The following BTAF1 variants were observed in gnomAD, a reference collection of about 807,000 sequenced individuals.
BTAF1 encodes TATA-binding protein-associated factor 172.
Under a neutral mutation model 227.1 loss-of-function variants are expected in BTAF1, and 38 were observed. The observed-to-expected ratio is 0.17, with a 90% confidence interval of 0.13 to 0.22. The LOEUF is 0.22. Ranked by LOEUF, BTAF1 falls within the 10% of genes least tolerant of loss-of-function variation. The pLI, the probability that BTAF1 is intolerant of heterozygous loss-of-function variation, is 1.00. For missense variants in BTAF1, 1,598 were observed against 2,204.0 expected, an observed-to-expected ratio of 0.73 and a Z score of 5.51; for synonymous variants, 742 against 751.9, an observed-to-expected ratio of 0.99 and a Z score of 0.21.
intron 20 of BTAF1, among the ~76,000 whole-genome samples, chr10:91,991,271 A>ATATATACATATATATATATATATATATAT (rs1564699914): frequency 1.5e-5 from 1 of 66,230 alleles, no homozygotes; most frequent in Non-Finnish European, 3.7e-5. Flanking sequence ...TATAAATATA[A>ATATATACATATATATATATATATATATAT]ATATATATAT....
chr10:91,938,987 AAAG>A lies in BTAF1; in HGVS notation c.139-964_139-962del, dbSNP rs755376199. On this transcript the variant is annotated intron_variant, in intron 2 of 37. Coordinates refer to ENST00000265990, the MANE Select transcript of BTAF1 (RefSeq NM_003972.3). ...TTTTCCATTTCTGCAAAAAAAAAAA[AAAG>A]GGGGGGGGGATTTTGATAGGAATTG... 1.6e-3 allele frequency among the ~76,000 whole-genome samples: 208 copies of A among 127,634 alleles called. No homozygotes were observed. In the South Asian group the frequency reaches 0.023, roughly 14 times the overall value. The allele number at this position is 127,634 out of a possible 152,430, so 83.7% of individuals were successfully genotyped here.
chr10:91,924,509 C>A (rs1564647762), intron 1 of BTAF1, among the ~76,000 whole-genome samples: 1 of 152,184 alleles, frequency 6.6e-6, no homozygotes, highest in Non-Finnish European at 1.5e-5. Flanking sequence ...AAGAGACCGT[C>A]TAATTATGTT....
intron 4 of BTAF1, among the ~76,000 whole-genome samples, chr10:91,949,077 G>A (rs1389563399): frequency 1.3e-5 from 2 of 152,138 alleles, no homozygotes; most frequent in African/African-American, 4.8e-5. Context: ...TTGGGAGGCC[G>A]AAGTGGGAAG....
At chr10:91,975,365 C>G (rs1457722189) in intron 14 of BTAF1, among the ~76,000 whole-genome samples, 2 of 152,164 alleles carry the variant, frequency 1.3e-5, no homozygotes, top group African/African-American at 4.8e-5. Flanking sequence ...TGAACTAAGA[C>G]TTTGGCCTTA....
In BTAF1 at chr10:91,924,103, C is replaced by T. The variant is rs145965253; in HGVS notation, c.14+13C>T. The T allele has an allele frequency of 4.7e-3, 7,569 of 1,606,784 alleles. 52 individuals carry two copies. The highest frequency in any genetic ancestry group is 0.018 in the South Asian group (1,609 of 89,854). ...TGGCGGTCTCCAGGTGGGTCTTGCT[C>T]CTGACGAGCAAACTGGAAGGCGATT... On this transcript the variant is annotated intron_variant, in intron 1 of 37. Coordinates refer to ENST00000265990, the MANE Select transcript of BTAF1 (RefSeq NM_003972.3).
rs1008748629 is a variant in BTAF1 at position 92,030,506 on chromosome 10, C to T, written c.*1573C>T. Among the ~76,000 whole-genome samples, 2 of 151,988 alleles carry T rather than the reference C, an allele frequency of 1.3e-5. No individual in the cohort carries two copies. The highest frequency in any genetic ancestry group is 4.8e-5 in the African/African-American group (2 of 41,402). ...TTTATTTGCTAGTTCCATAAACCAG[C>T]TCTTTAACATAGCTTATAGTAATTG... On this transcript the variant is annotated 3_prime_UTR_variant, in exon 38 of 38. Transcript: ENST00000265990.
At position 92,028,859 on chromosome 10, in the gene BTAF1, C is replaced by T. The variant is rs748545854; in HGVS notation, c.5476C>T (p.Leu1826=). 29 of 1,609,040 alleles carry T rather than the reference C, an allele frequency of 1.8e-5. No homozygotes were observed. Among genetic ancestry groups the T allele is most frequent in the Non-Finnish European group, 2.5e-5 (29 of 1,178,166 alleles). ...AAGTATGAAATCAATTCTTGAAAAC[C>T]TGAGTGATCTTTGGGATCAAGAGCA... is the stretch of plus-strand genomic sequence containing the variant. ...KASMKSILEN[L]SDLWDQEQYD... Residue 1826 remains leucine (L), a synonymous_variant, in exon 38 of 38, where the codon CTG becomes TTG. Coordinates refer to ENST00000265990, the MANE Select transcript of BTAF1 (RefSeq NM_003972.3).
intron 8 of BTAF1, among the ~76,000 whole-genome samples, chr10:91,957,854 G>A (rs1258665870): frequency 6.6e-6 from 1 of 152,154 alleles, no homozygotes; most frequent in Non-Finnish European, 1.5e-5. Context: ...AACTCATGGG[G>A]TGTTAAGAAG....
intron 21 of BTAF1, 70 bp from the exon 22 acceptor site, chr10:91,993,624 T>C (rs149012482): frequency 8.3e-7 from 1 of 1,210,244 alleles, no homozygotes; most frequent in African/African-American, 1.6e-5. Flanking sequence ...TTTTAAATTC[T>C]TTTGTTAAAA....
chr10:91,980,324 G>C (rs1009859763), intron 14 of BTAF1, 130 bp from the exon 15 acceptor site: 1 of 645,558 alleles, frequency 1.5e-6, no homozygotes, highest in South Asian at 2.1e-5. Flanking sequence ...TTTATCACCT[G>C]TTTAGCCTTT....
At chr10:92,003,849 A>C (rs894816510) in intron 25 of BTAF1, among the ~76,000 whole-genome samples, 1 of 152,164 alleles carries the variant, frequency 6.6e-6, no homozygotes, top group African/African-American at 2.4e-5. Flanking sequence ...ATGCTGTACT[A>C]ATTTACATTC....
intron 20 of BTAF1, among the ~76,000 whole-genome samples, chr10:91,991,265 A>ATATATATATATATATATATATATAT (rs1848715390): frequency 1.1e-5 from 1 of 90,088 alleles, no homozygotes; most frequent in Non-Finnish European, 2.4e-5. Context: ...TATAAATATA[A>ATATATATATATATATATATATATAT]ATATAAATAT....
intron 28 of BTAF1, among the ~76,000 whole-genome samples, chr10:92,009,612 G>C (rs1850163890): frequency 6.6e-6 from 1 of 152,188 alleles, no homozygotes; most frequent in Non-Finnish European, 1.5e-5. Context: ...GAGGCAGGAG[G>C]ATTGCTTTAG....
At chr10:91,960,955 C>CTAG (rs1272562030) in intron 11 of BTAF1, among the ~76,000 whole-genome samples, 1 of 152,156 alleles carries the variant, frequency 6.6e-6, no homozygotes, top group Non-Finnish European at 1.5e-5. Flanking sequence ...AAGTCCTTTA[C>CTAG]TAAACTAATA....
At chr10:91,952,078 C>T (rs1360390612) in intron 5 of BTAF1, among the ~76,000 whole-genome samples, 1 of 150,936 alleles carries the variant, frequency 6.6e-6, no homozygotes, top group East Asian at 1.9e-4. Flanking sequence ...TTTCAAGTTA[C>T]TTGTGCATCA....
At chr10:91,941,247 A>G (rs1844976761) in intron 3 of BTAF1, among the ~76,000 whole-genome samples, 1 of 152,222 alleles carries the variant, frequency 6.6e-6, no homozygotes, top group South Asian at 2.1e-4. Flanking sequence ...CCGTTTTTAA[A>G]AGACTTAATT....
intron 19 of BTAF1, among the ~76,000 whole-genome samples, chr10:91,987,112 CTTT>C (rs11347841): frequency 1.3e-4 from 15 of 114,968 alleles, no homozygotes; most frequent in Non-Finnish European, 2.1e-4. Context: ...CAAAAACTGG[CTTT>C]TTTTTTTTTT....
intron 15 of BTAF1, among the ~76,000 whole-genome samples, chr10:91,981,080 C>T (rs901878318): frequency 2.0e-5 from 3 of 152,052 alleles, no homozygotes; most frequent in African/African-American, 7.2e-5. Flanking sequence ...GAATTGTTGG[C>T]CTCTAAAGTG....
chr10:91,926,250 A>G (rs1447698270), intron 1 of BTAF1, among the ~76,000 whole-genome samples: 2 of 152,246 alleles, frequency 1.3e-5, no homozygotes, highest in Non-Finnish European at 2.9e-5. Context: ...GATAAAAATC[A>G]TATGCTAAAA....
Sources: gnomAD v4.1 joint callset for allele counts (sites outside exome capture counted in the v4.1 genomes callset) on GRCh38, gnomAD v4.1.1 for gene constraint, MANE v1.5 for transcripts, NCBI Gene and HGNC (gene_info 2026-07-23, HGNC 2026-07-21) for gene names.